The following SHROOM3 variants were observed in gnomAD, a reference collection of about 807,000 sequenced individuals.
SHROOM3 encodes shroom family member 3, also known as protein Shroom3.
Under a neutral mutation model 138.6 loss-of-function variants are expected in SHROOM3, and 47 were observed. The observed-to-expected ratio is 0.34, with a 90% CI of 0.27 to 0.43. SHROOM3 has a LOEUF of 0.43. Among genes scored for constraint, SHROOM3 ranks in the 20% least tolerant of loss-of-function variants. The probability of loss-of-function intolerance (pLI) is 1.00; values close to 1 mark genes in which losing one functional copy is unlikely to be tolerated. For missense variants in SHROOM3, 2,491 were observed against 2,596.5 expected (o/e 0.96, Z 0.88); for synonymous variants, 1,062 against 1,063.3 (o/e 1.00, Z 0.02).
intron 1 of SHROOM3, among the ~76,000 whole-genome samples, chr4:76,493,444 G>A (rs949952515): frequency 5.3e-5 from 8 of 152,102 alleles, no homozygotes; most frequent in African/African-American, 1.9e-4. Flanking sequence ...TGATGGTAAT[G>A]GCCTGAGCCT....
At chr4:76,680,297 C>T (rs896023131) in intron 2 of SHROOM3, among the ~76,000 whole-genome samples, 5 of 152,076 alleles carry the variant, frequency 3.3e-5, no homozygotes, top group Non-Finnish European at 7.4e-5. Context: ...CCCACCACCA[C>T]GCCCGGCTAA....
chr4:76,607,451 A>G (rs1659839642), intron 2 of SHROOM3, among the ~76,000 whole-genome samples: 2 of 152,200 alleles, frequency 1.3e-5, no homozygotes, highest in African/African-American at 4.8e-5. Context: ...ATAGCAAAGG[A>G]AAGTCTTGAA....
At chr4:76,742,509 C>G (rs1464224645) in intron 5 of SHROOM3, among the ~76,000 whole-genome samples, 1 of 152,110 alleles carries the variant, frequency 6.6e-6, no homozygotes, top group African/African-American at 2.4e-5. Context: ...AGACCCCTGT[C>G]TCTCGGACTC....
At chr4:76,479,209 T>C (rs1329855697) in intron 1 of SHROOM3, among the ~76,000 whole-genome samples, 1 of 151,738 alleles carries the variant, frequency 6.6e-6, no homozygotes, top group Admixed American at 6.6e-5. Context: ...CCTAACCCAA[T>C]GCAAGGAGGC....
intron 2 of SHROOM3, among the ~76,000 whole-genome samples, chr4:76,670,251 T>C (rs1000034521): frequency 6.6e-6 from 1 of 152,246 alleles, no homozygotes; most frequent in African/African-American, 2.4e-5. Context: ...TAGAATACTA[T>C]TCTACAATAA....
rs542481059 is a variant in SHROOM3 at position 76,512,278 on chromosome 4, A to G, written c.169-43331A>G. Among the ~76,000 whole-genome samples the G allele has an allele frequency of 2.8e-4, 42 of 152,354 alleles. No homozygotes were observed. The South Asian group carries it at 3.9e-3, about 14-fold the overall frequency. ...ACTGGAAACTGACCTTGCAACCCCT[A>G]CAATGGCATTGGGCTCATACCCTGA... is the stretch of plus-strand genomic sequence containing the variant. On this transcript the variant is annotated intron_variant, in intron 1 of 10. Coordinates refer to ENST00000296043, the MANE Select transcript of SHROOM3 (RefSeq NM_020859.4).
intron 2 of SHROOM3, among the ~76,000 whole-genome samples, chr4:76,643,513 T>C (rs1323750973): frequency 6.6e-6 from 1 of 152,140 alleles, no homozygotes; most frequent in Non-Finnish European, 1.5e-5. Flanking sequence ...ATTTAAGGTA[T>C]GATGAAAGGG....
chr4:76,753,997 C>A (rs1202924226), intron 6 of SHROOM3, among the ~76,000 whole-genome samples: 1 of 152,180 alleles, frequency 6.6e-6, no homozygotes, highest in Non-Finnish European at 1.5e-5. Flanking sequence ...AGCCTGAAGC[C>A]TGTCCTCAAA....
chr4:76,699,574 A>G (rs943527982), intron 2 of SHROOM3, among the ~76,000 whole-genome samples: 2 of 152,124 alleles, frequency 1.3e-5, no homozygotes, highest in Non-Finnish European at 2.9e-5. Context: ...GTATGTATAT[A>G]TGGCCTTTTA....
At chr4:76,735,627 G>A (rs923956617) in intron 4 of SHROOM3, among the ~76,000 whole-genome samples, 8 of 151,498 alleles carry the variant, frequency 5.3e-5, no homozygotes, top group Admixed American at 4.6e-4. Flanking sequence ...ATCATTTGAG[G>A]TCAGGAGTTT....
intron 10 of SHROOM3, among the ~76,000 whole-genome samples, chr4:76,776,017 A>G (rs905980801): frequency 2.6e-5 from 4 of 152,074 alleles, no homozygotes; most frequent in Admixed American, 6.6e-5. Context: ...GGATCAAATG[A>G]TAGATGTACT....
chr4:76,502,840 C>T (rs561652651), intron 1 of SHROOM3, among the ~76,000 whole-genome samples: 8 of 152,258 alleles, frequency 5.3e-5, no homozygotes, highest in East Asian at 3.9e-4. Flanking sequence ...AGTCCTGATA[C>T]GTTTTTTCTC....
At chr4:76,759,465 C>G in intron 8 of SHROOM3, 80 bp from the exon 9 acceptor site, 1 of 1,563,146 alleles carries the variant, frequency 6.4e-7, no homozygotes, top group Middle Eastern at 2.1e-4. Flanking sequence ...TTACGCACTT[C>G]TGAATGGACT....
chr4:76,681,008 T>A (rs537023112), intron 2 of SHROOM3, among the ~76,000 whole-genome samples: 1 of 152,228 alleles, frequency 6.6e-6, no homozygotes, highest in African/African-American at 2.4e-5. Flanking sequence ...ATAAAAGTTG[T>A]AGTGATTTCT....
chr4:76,690,550 T>A (rs1442512431), intron 2 of SHROOM3, among the ~76,000 whole-genome samples: 3 of 152,244 alleles, frequency 2.0e-5, no homozygotes, highest in African/African-American at 7.2e-5. Context: ...CTGTGCATTT[T>A]CTGTTTTTAA....
chr4:76,532,940 A>G (rs1704931447), intron 1 of SHROOM3, among the ~76,000 whole-genome samples: 1 of 133,912 alleles, frequency 7.5e-6, no homozygotes, highest in African/African-American at 2.8e-5. Flanking sequence ...GCAACAGTCA[A>G]TCCGATAACT....
chr4:76,483,426 G>A (rs901452067), intron 1 of SHROOM3, among the ~76,000 whole-genome samples: 1 of 152,194 alleles, frequency 6.6e-6, no homozygotes, highest in East Asian at 1.9e-4. Context: ...TTAGAGAAAT[G>A]CAAATCAAAA....
At position 76,740,789 on chromosome 4, in the gene SHROOM3, G is replaced by T; in HGVS notation, c.2616G>T (p.Ser872=). The change falls in exon 5 of 11, where the codon TCG becomes TCT. Residue 872 remains serine, a synonymous_variant. Coordinates refer to ENST00000296043, the MANE Select transcript of SHROOM3 (RefSeq NM_020859.4). This position sits in a 1 kb window ranked among gnomAD's most constrained non-coding sequence, Gnocchi z 4.0. ...PCGQQLSGGA[S]DSGRGPQRPD... ...GTCAGCAGCTGAGCGGAGGAGCGTC[G>T]GACAGCGGCCGTGGCCCCCAGAGGC... 1 of 1,611,102 alleles carries T rather than the reference G, an allele frequency of 6.2e-7. No individual in the cohort carries two copies. The highest frequency in any genetic ancestry group is 8.5e-7 in the Non-Finnish European group (1 of 1,179,066).
intron 2 of SHROOM3, among the ~76,000 whole-genome samples, chr4:76,637,165 G>T (rs1300386994): frequency 1.3e-5 from 2 of 152,196 alleles, no homozygotes; most frequent in Admixed American, 6.5e-5. Context: ...CTGGATGAGA[G>T]AAAAGATATT....
Sources: gnomAD v4.1 joint callset for allele counts (sites outside exome capture counted in the v4.1 genomes callset) on GRCh38, gnomAD v4.1.1 for gene constraint, Gnocchi (gnomAD v3.1) non-coding constraint, MANE v1.5 for transcripts, NCBI Gene and HGNC (gene_info 2026-07-23, HGNC 2026-07-21) for gene names.